Variants in TJP2 observed in about 807,000 individuals in gnomAD.
TJP2 encodes the protein Friedreich ataxia region gene X104 (tight junction protein ZO-2).
TJP2 carries 91 observed loss-of-function variants against 133.1 expected under a neutral mutation model. The observed-to-expected ratio is 0.68, with a 90% confidence interval of 0.58 to 0.81. The LOEUF is 0.81. Among genes scored for constraint, TJP2 ranks in the 40% least tolerant of loss-of-function variants. TJP2 has a pLI of 0.00. For missense variants in TJP2, 1,541 were observed against 1,565.6 expected (o/e 0.98, Z 0.26); for synonymous variants, 592 against 583.4 (o/e 1.01, Z -0.21).
chr9:69,184,892 G>C (rs1198110589), intron 1 of TJP2, among the ~76,000 whole-genome samples: 1 of 151,246 alleles, frequency 6.6e-6, no homozygotes, highest in East Asian at 1.9e-4. Flanking sequence ...TGTAACCACG[G>C]GCATGCGCCA....
chr9:69,151,700 CCCGGCTGCAGCT>C, exon 2 of TJP2: 1 of 1,231,994 alleles, frequency 8.1e-7, no homozygotes, highest in South Asian at 4.1e-5. Flanking sequence ...GGATTGGCAC[CCCGGCTGCAGCT>C]CCAGGAGCAA....
chr9:69,171,294 C>T (rs978944846), upstream of TJP2, among the ~76,000 whole-genome samples: 3 of 152,224 alleles, frequency 2.0e-5, no homozygotes, highest in African/African-American at 7.2e-5. Context: ...TTGTCTAACA[C>T]TGCCTAACTT....
Position 69,213,340 on chromosome 9 carries a change from C to T in TJP2, c.114+739C>T, listed in dbSNP as rs569789275. On this transcript the variant is annotated intron_variant, in intron 2 of 22. Transcript: ENST00000377245. ...GGCCCGCAAAGTGCTGGGTTGCAGG[C>T]GTGAGCCACCGTGCCCAGACGGTTC... 2.0e-5 allele frequency among the ~76,000 whole-genome samples: 3 copies of T among 152,304 alleles called. No individual in the cohort carries two copies. The South Asian group carries it at 6.2e-4, about 32-fold the overall frequency.
In TJP2 at chr9:69,131,764, G is replaced by T. The variant is rs907544028; in HGVS notation, c.-131+10039G>T. Among the ~76,000 whole-genome samples, 108 of 152,100 alleles carry T rather than the reference G, an allele frequency of 7.1e-4. 1 individual carries two copies. Among genetic ancestry groups the T allele is most frequent in the Admixed American group, 6.7e-3 (103 of 15,266 alleles). On this transcript the variant is annotated intron_variant, in intron 1 of 5. Transcript: ENST00000423935. The stretch of plus-strand genomic sequence containing the variant: ...TTTGCACAGATGAACATTCCTGCTG[G>T]CCCCTGTAGGCCCTGGGTGTGTGAT...
chr9:69,207,936 A>G (rs1390278008), intron 1 of TJP2, among the ~76,000 whole-genome samples: 2 of 152,238 alleles, frequency 1.3e-5, no homozygotes, highest in Non-Finnish European at 2.9e-5. Flanking sequence ...GACACTCAGT[A>G]GTTTGCTCTT....
At chr9:69,195,458 C>T (rs1323964677) in intron 1 of TJP2, among the ~76,000 whole-genome samples, 1 of 151,532 alleles carries the variant, frequency 6.6e-6, no homozygotes, top group Admixed American at 6.6e-5. Context: ...AAATTGGACT[C>T]ATGCAAATTT....
intron 4 of TJP2, among the ~76,000 whole-genome samples, chr9:69,218,775 ATTCC>A (rs1828583467): frequency 6.6e-6 from 1 of 152,192 alleles, no homozygotes; most frequent in Non-Finnish European, 1.5e-5. Flanking sequence ...TCATTCATCT[ATTCC>A]TTCATTCATT....
At chr9:69,243,079 G>T (rs1293988310) in intron 17 of TJP2, among the ~76,000 whole-genome samples, 1 of 152,062 alleles carries the variant, frequency 6.6e-6, no homozygotes, top group African/African-American at 2.4e-5. Context: ...GCCCAAGCTG[G>T]TCTCAAACCC....
intron 1 of TJP2, among the ~76,000 whole-genome samples, chr9:69,175,692 A>G (rs1478725695): frequency 6.6e-6 from 1 of 152,136 alleles, no homozygotes; most frequent in East Asian, 1.9e-4. Flanking sequence ...TAAGAATCCG[A>G]TGAGTGCCAT....
At chr9:69,162,620 A>T (rs1194445337) in intron 2 of TJP2, among the ~76,000 whole-genome samples, 1 of 152,254 alleles carries the variant, frequency 6.6e-6, no homozygotes, top group Admixed American at 6.5e-5. Flanking sequence ...AGAAAAGATG[A>T]TGATAGAGAT....
intron 21 of TJP2, among the ~76,000 whole-genome samples, chr9:69,252,259 T>A (rs1831393216): frequency 6.6e-6 from 1 of 152,106 alleles, no homozygotes; most frequent in Non-Finnish European, 1.5e-5. Flanking sequence ...CCTCCCAAAG[T>A]GCTAGGATTA....
chr9:69,158,907 G>C (rs1185521187), intron 2 of TJP2, among the ~76,000 whole-genome samples: 1 of 151,866 alleles, frequency 6.6e-6, no homozygotes, highest in Admixed American at 6.6e-5. Flanking sequence ...TTTCAGTTCA[G>C]TCAAAATTTT....
At chr9:69,144,312 A>G (rs1449561729) in intron 1 of TJP2, among the ~76,000 whole-genome samples, 1 of 152,232 alleles carries the variant, frequency 6.6e-6, no homozygotes, top group African/African-American at 2.4e-5. Context: ...TATTGAGGAA[A>G]GAGAATCTGT....
Position 69,236,196 on chromosome 9 carries a change from T to C in TJP2, c.1949T>C (p.Ile650Thr). ...GKLGNWLAVRIGNELEKGLIP... is the reference protein window; with the variant it reads ...GKLGNWLAVRTGNELEKGLIP... ...CTGGGCAACTGGCTGGCTGTGAGGATTGGGAACGAGTTGGAGAAAGGCTTA... is the reference window on the plus strand; with the variant it reads ...CTGGGCAACTGGCTGGCTGTGAGGACTGGGAACGAGTTGGAGAAAGGCTTA... The change falls in exon 13 of 23, where the codon ATT becomes ACT. Residue 650 changes from isoleucine (I) to threonine (T), a missense_variant. By Grantham distance (89) the Ile-to-Thr change is moderately conservative. Transcript: ENST00000377245. 22 of 1,613,988 alleles carry C rather than the reference T, an allele frequency of 1.4e-5. No individual in the cohort carries two copies. Among genetic ancestry groups the C allele is most frequent in the Non-Finnish European group, 1.7e-5 (20 of 1,179,954 alleles).
chr9:69,196,946 T>TGTGTACAC (rs796739890), intron 1 of TJP2, among the ~76,000 whole-genome samples: 12 of 134,234 alleles, frequency 8.9e-5, no homozygotes, highest in African/African-American at 3.3e-4. Context: ...TGTGTGTGTG[T>TGTGTACAC]ACACACACAC....
intron 1 of TJP2, among the ~76,000 whole-genome samples, chr9:69,179,753 C>T (rs1274370309): frequency 6.6e-6 from 1 of 152,170 alleles, no homozygotes; most frequent in Non-Finnish European, 1.5e-5. Context: ...CCCGCCTCGG[C>T]CTCCCAAAGT....
Position 69,212,583 on chromosome 9 carries a change from C to T in TJP2, c.96C>T (p.Tyr32=), listed in dbSNP as rs1828000738. The T allele has an allele frequency of 6.2e-7, 1 of 1,612,940 alleles. No individual in the cohort carries two copies. The highest frequency in any genetic ancestry group is 2.2e-5 in the East Asian group (1 of 44,828). ...TGGAAGAGCTGATATGGGAACAGTA[C>T]ACTGTGACCCTACAAAAGGTGAGTT... ...PGMEELIWEQ[Y]TVTLQKDSKR... is the part of the protein sequence containing the mutation. Residue 32 remains tyrosine, a synonymous_variant, in exon 2 of 23, where the codon TAC becomes TAT. Transcript: ENST00000377245.
Position 69,239,962 on chromosome 9 carries a change from C to T in TJP2, c.2381C>T (p.Thr794Ile), listed in dbSNP as rs1830471868. Residue 794 changes from threonine (T) to isoleucine (I), a missense_variant, in exon 17 of 23, where the codon ACT becomes ATT. By Grantham distance (89) the Thr-to-Ile change is moderately conservative (BLOSUM62 -1). Transcript: ENST00000377245. ...GATAAGCATGCACTACTGGATGTGA[C>T]TCCGAAAGCTGTGGACCTGTTGAAT... ...EQDKHALLDV[T>I]PKAVDLLNYT... 1 of 1,614,170 alleles carries T rather than the reference C, an allele frequency of 6.2e-7. No individual in the cohort carries two copies. The highest frequency in any genetic ancestry group is 1.3e-5 in the African/African-American group (1 of 75,040).
intron 1 of TJP2, among the ~76,000 whole-genome samples, chr9:69,183,589 A>G (rs374778776): frequency 1.3e-5 from 2 of 152,086 alleles, no homozygotes; most frequent in East Asian, 3.9e-4. Context: ...GTTGATAGGT[A>G]TTTGGGTTAT....
Sources: gnomAD v4.1 joint callset for allele counts (sites outside exome capture counted in the v4.1 genomes callset) on GRCh38, gnomAD v4.1.1 for gene constraint, MANE v1.5 for transcripts, NCBI Gene and HGNC (gene_info 2026-07-23, HGNC 2026-07-21) for gene names.